The following LCP2 variants were observed in gnomAD, a reference collection of about 807,000 sequenced individuals.
LCP2 encodes 76 kDa tyrosine phosphoprotein.
LCP2 carries 29 observed loss-of-function variants against 74.5 expected under a neutral mutation model. The ratio of observed to expected loss-of-function variants is 0.39; its 90% CI spans 0.29 to 0.53. LCP2 has a LOEUF of 0.53. LCP2 is among the 20% of genes least tolerant of loss of function. LCP2 has a pLI of 0.72. For synonymous variants in LCP2, 228 were observed against 229.5 expected, an observed-to-expected ratio of 0.99 and a Z score of 0.06; for missense variants, 604 against 634.6, an observed-to-expected ratio of 0.95 and a Z score of 0.52.
chr5:170,290,335 G>C (rs1281138214), intron 2 of LCP2, among the ~76,000 whole-genome samples: 1 of 152,096 alleles, frequency 6.6e-6, no homozygotes, highest in African/African-American at 2.4e-5. Flanking sequence ...CTCTCCCTTT[G>C]TTTTCCTACT....
intron 4 of LCP2, 119 bp downstream of exon 4, chr5:170,275,676 C>G (rs2094576058): frequency 1.1e-6 from 1 of 875,594 alleles, no homozygotes; most frequent in African/African-American, 1.7e-5. Context: ...TTCCAGACCC[C>G]TGGGATTCAG....
intron 16 of LCP2, among the ~76,000 whole-genome samples, chr5:170,257,529 G>A (rs1761575826): frequency 6.6e-6 from 1 of 152,066 alleles, no homozygotes; most frequent in African/African-American, 2.4e-5. Context: ...ACAATGACTG[G>A]GCCTTTCTCC....
intron 16 of LCP2, among the ~76,000 whole-genome samples, chr5:170,257,270 C>T (rs1278361832): frequency 6.6e-6 from 1 of 152,290 alleles, no homozygotes; most frequent in East Asian, 1.9e-4. Flanking sequence ...CAGACAAGGG[C>T]AGCAGATGCC....
chr5:170,258,318 A>C lies in LCP2; in HGVS notation c.971-152T>G. 2 of 727,642 alleles carry C rather than the reference A, an allele frequency of 2.7e-6. 1 individual carries two copies. Among genetic ancestry groups the C allele is most frequent in the South Asian group, 4.0e-5 (2 of 49,536 alleles). The allele number at this position is 727,642 out of a possible 1,614,324, so 45.1% of individuals were successfully genotyped here. A position where few individuals can be genotyped will look rare whatever the true frequency, so the allele number is the denominator to read the frequency against. On this transcript the variant is annotated intron_variant, in intron 15 of 20. Coordinates refer to ENST00000046794, the MANE Select transcript of LCP2 (RefSeq NM_005565.5). ...TGTAATTAGGAAGTAGTAGGATGGA[A>C]CCTTGCTCCCAGGGTGTTTCTAGAT...
chr5:170,290,045 C>T (rs996393758), intron 2 of LCP2, among the ~76,000 whole-genome samples: 5 of 152,194 alleles, frequency 3.3e-5, no homozygotes, highest in East Asian at 3.9e-4. Context: ...ACATTCAGAA[C>T]GGGGACAAGA....
chr5:170,247,819 G>A lies in LCP2; in HGVS notation c.*878C>T, dbSNP rs1418652125. On this transcript the variant is annotated 3_prime_UTR_variant, in exon 21 of 21. Transcript: ENST00000046794. The stretch of plus-strand genomic sequence containing the variant: ...CCCTCGTCTTCCCAGGAAGCCTTTG[G>A]TAAAATCTATATCCCTGGACAATGC... 6.6e-6 allele frequency: 1 copy of A among 152,184 alleles called. No homozygotes were observed. The highest frequency in any genetic ancestry group is 2.4e-5 in the African/African-American group (1 of 41,408). The allele number at this position is 152,184 out of a possible 1,614,324, so 9.4% of individuals were successfully genotyped here.
chr5:170,261,705 G>A (rs982999640), intron 13 of LCP2, among the ~76,000 whole-genome samples: 1 of 152,172 alleles, frequency 6.6e-6, no homozygotes, highest in Non-Finnish European at 1.5e-5. Flanking sequence ...CCAGATGAAT[G>A]AGCTAGTCAA....
chr5:170,290,015 G>A (rs1347515324), intron 2 of LCP2, among the ~76,000 whole-genome samples: 2 of 152,138 alleles, frequency 1.3e-5, no homozygotes, highest in African/African-American at 4.8e-5. Flanking sequence ...CAGAGGAGCA[G>A]GGTGTCAGGA....
At chr5:170,270,086 C>A (rs1344654694) in intron 7 of LCP2, among the ~76,000 whole-genome samples, 1 of 152,188 alleles carries the variant, frequency 6.6e-6, no homozygotes, top group Non-Finnish European at 1.5e-5. Flanking sequence ...AACACCACTA[C>A]TAGAATGTAA....
chr5:170,297,303 A>G (rs1035948043), intron 1 of LCP2, among the ~76,000 whole-genome samples: 2 of 152,210 alleles, frequency 1.3e-5, no homozygotes, highest in Admixed American at 6.5e-5. Context: ...ACCCTAGCAC[A>G]TAATAGGCAC....
At chr5:170,263,588 CGGATGATATTCA>C (rs781476752) in intron 10 of LCP2, among the ~76,000 whole-genome samples, 50 of 152,150 alleles carry the variant, frequency 3.3e-4, no homozygotes, top group Non-Finnish European at 6.3e-4. Context: ...TCTTCTAGAA[CGGATGATATTCA>C]GGCTCCCTGA....
intron 17 of LCP2, among the ~76,000 whole-genome samples, chr5:170,254,724 T>C (rs1205628349): frequency 6.6e-6 from 1 of 152,220 alleles, no homozygotes; most frequent in East Asian, 1.9e-4. Flanking sequence ...ATGATTCTCT[T>C]TCTGCCTCTG....
chr5:170,254,169 T>C (rs1052188274), intron 17 of LCP2, among the ~76,000 whole-genome samples: 1 of 152,190 alleles, frequency 6.6e-6, no homozygotes, highest in Admixed American at 6.5e-5. Context: ...ATTTTGCATA[T>C]GGGGAAATAC....
chr5:170,280,549 C>G (rs1247064849), intron 3 of LCP2, among the ~76,000 whole-genome samples: 3 of 152,148 alleles, frequency 2.0e-5, no homozygotes, highest in Non-Finnish European at 4.4e-5. Context: ...CCTGAGGCCT[C>G]GGTCGAGAGT....
In LCP2 at chr5:170,293,366, A is replaced by T; in HGVS notation, c.85T>A (p.Tyr29Asn). 1 of 1,596,766 alleles carries T rather than the reference A, an allele frequency of 6.3e-7. No individual in the cohort carries two copies. Among genetic ancestry groups the T allele is most frequent in the Non-Finnish European group, 8.5e-7 (1 of 1,171,124 alleles). ...TTCACTGCCTTCTCACAGTCCTTAT[A>T]GTTGAGCTGCAAAGAGAAGGGGAAG... is the stretch of plus-strand genomic sequence containing the variant. ...SLADYFKKLN[Y>N]KDCEKAVKKY... Residue 29 changes from tyrosine to asparagine, a missense_variant, in exon 2 of 21, where the codon TAT (tyrosine) becomes AAT (asparagine). Tyr to Asn is a moderately radical substitution (Grantham distance 143, BLOSUM62 -2). Coordinates refer to ENST00000046794, the MANE Select transcript of LCP2 (RefSeq NM_005565.5).
Position 170,268,488 on chromosome 5 carries a change from G to C in LCP2, c.524-6C>G. On this transcript the variant is annotated splice_polypyrimidine_tract_variant and splice_region_variant and intron_variant, in intron 7 of 20. Coordinates refer to ENST00000046794, the MANE Select transcript of LCP2 (RefSeq NM_005565.5). ...TTTCCCAGAGGGGGGCCGGTCTGTG[G>C]AAACACAAGGTTATTAAAGTGAAAG... 3.7e-6 allele frequency: 1 copy of C among 270,854 alleles called. No homozygotes were observed. The highest frequency in any genetic ancestry group is 7.4e-6 in the Non-Finnish European group (1 of 134,444). 16.8% of individuals were successfully genotyped at this position (270,854 alleles called of 1,614,324 possible).
intron 2 of LCP2, among the ~76,000 whole-genome samples, chr5:170,290,944 A>G (rs1762277389): frequency 1.0e-5 from 1 of 95,356 alleles, no homozygotes; most frequent in African/African-American, 4.8e-5. Context: ...AAGAAGAAAG[A>G]AAGAAAGAAA....
chr5:170,249,309 CAAG>C (rs781492640), intron 20 of LCP2, among the ~76,000 whole-genome samples: 1 of 148,518 alleles, frequency 6.7e-6, no homozygotes. Flanking sequence ...GCCTGGGTAA[CAAG>C]AAGGAAACTC....
intron 5 of LCP2, among the ~76,000 whole-genome samples, chr5:170,274,671 T>C (rs966326647): frequency 6.6e-6 from 1 of 152,198 alleles, no homozygotes; most frequent in Admixed American, 6.5e-5. Flanking sequence ...CCCAGGAATC[T>C]GCATTGCAAC....
Sources: allele counts gnomAD v4.1 joint callset (sites outside exome capture counted in the v4.1 genomes callset), GRCh38; gene constraint gnomAD v4.1.1; transcripts MANE v1.5; gene names NCBI Gene and HGNC (gene_info 2026-07-23, HGNC 2026-07-21).